The following SERPINF1 variants were observed in gnomAD, a reference collection of about 807,000 sequenced individuals.
SERPINF1 encodes pigment epithelium-derived factor.
SERPINF1 carries 29 observed loss-of-function variants against 37.3 expected under a neutral mutation model. The ratio of observed to expected loss-of-function variants is 0.78; its 90% CI spans 0.58 to 1.06. The LOEUF (loss-of-function observed/expected upper bound fraction) is 1.06. SERPINF1 is among the 50% of genes least tolerant of loss of function. The probability of loss-of-function intolerance (pLI) is 0.00; values close to 1 mark genes in which losing one functional copy is unlikely to be tolerated. For synonymous variants in SERPINF1, 281 were observed against 227.9 expected (o/e 1.23, Z -2.10); for missense variants, 553 against 532.2 (o/e 1.04, Z -0.38).
chr17:1,771,729 G>A, intron 4 of SERPINF1, 143 bp from the exon 5 acceptor site: 3 of 791,236 alleles, frequency 3.8e-6, no homozygotes, highest in Admixed American at 4.0e-5. Context: ...GCCAGCAGAA[G>A]TCCTGGCAAG....
intron 6 of SERPINF1, chr17:1,776,308 G>A (rs1908026574): frequency 1.7e-6 from 1 of 597,266 alleles, no homozygotes. Context: ...TTGGTATTAG[G>A]CCAAGGTAAG....
At chr17:1,774,662 A>T (rs1396709884) in intron 5 of SERPINF1, among the ~76,000 whole-genome samples, 3 of 151,826 alleles carry the variant, frequency 2.0e-5, no homozygotes, top group African/African-American at 4.8e-5. Flanking sequence ...GCGTTTTTTC[A>T]TGTTGGCCAG....
In SERPINF1 at chr17:1,772,071, C is replaced by T. The variant is rs755289117; in HGVS notation, c.639C>T (p.Phe213=). The part of the protein sequence containing the change: ...ISILLLGVAH[F]KGQWVTKFDS... The stretch of plus-strand genomic sequence containing the variant: ...TTCTCCTTCTCGGTGTGGCGCACTT[C>T]AAGGGTGAGCGCGTCTCCAATTCTT... Residue 213 remains phenylalanine (F), a synonymous_variant, in exon 5 of 8, where the codon TTC becomes TTT. Transcript: ENST00000254722. The T allele has an allele frequency of 1.2e-6, 2 of 1,613,076 alleles. No homozygotes were observed. The highest frequency in any genetic ancestry group is 2.2e-5 in the South Asian group (2 of 90,996).
intron 1 of SERPINF1, among the ~76,000 whole-genome samples, chr17:1,763,204 C>T (rs1011856152): frequency 6.6e-6 from 1 of 152,194 alleles, no homozygotes; most frequent in African/African-American, 2.4e-5. Context: ...GGCCCACTGC[C>T]ATGTGGCTGA....
intron 4 of SERPINF1, 66 bp downstream of exon 4, chr17:1,771,250 C>CT (rs58039181): frequency 0.03 from 36,289 of 1,202,482 alleles, 7 homozygotes; most frequent in Non-Finnish European, 0.033. Flanking sequence ...CTGGGGGGGT[C>CT]TTTTTTTTTT....
Position 1,766,894 on chromosome 17 carries a change from T to G in SERPINF1, c.-8-9T>G. ...GAGAGCGGCTTGCTGCCTCGTTCTT[T>G]TCTTGCAGGCCCCAGGATGCAGGCC... On this transcript the variant is annotated splice_polypyrimidine_tract_variant and intron_variant, in intron 1 of 7. Coordinates refer to ENST00000254722, the MANE Select transcript of SERPINF1 (RefSeq NM_002615.7). 6.4e-7 allele frequency: 1 copy of G among 1,553,866 alleles called. No homozygotes were observed.
intron 4 of SERPINF1, 135 bp downstream of exon 4, chr17:1,771,319 G>A (rs1406857313): frequency 1.5e-5 from 13 of 886,170 alleles, no homozygotes; most frequent in Non-Finnish European, 2.0e-5. Context: ...CGTGATCTCG[G>A]CTCACTGCAA....
At chr17:1,762,551 C>T (rs1211188585) in intron 1 of SERPINF1, among the ~76,000 whole-genome samples, 2 of 152,196 alleles carry the variant, frequency 1.3e-5, no homozygotes, top group African/African-American at 4.8e-5. Flanking sequence ...GCAGCCCAGC[C>T]CTGGCCCCTG....
At chr17:1,770,864 T>A in intron 3 of SERPINF1, 165 bp from the exon 4 acceptor site, 1 of 855,564 alleles carries the variant, frequency 1.2e-6, no homozygotes. Flanking sequence ...TTCAGGAAAA[T>A]CTCTAAGGAT....
intron 2 of SERPINF1, among the ~76,000 whole-genome samples, chr17:1,768,731 C>T (rs1310922427): frequency 6.6e-6 from 1 of 151,962 alleles, no homozygotes; most frequent in Non-Finnish European, 1.5e-5. Flanking sequence ...TCTTCCTCGG[C>T]CTGCCAAAGT....
intron 1 of SERPINF1, 131 bp from the exon 2 acceptor site, chr17:1,766,772 C>T (rs1444957779): frequency 4.8e-5 from 37 of 778,742 alleles, no homozygotes; most frequent in African/African-American, 4.3e-4. Context: ...GAGGGGTGGT[C>T]GCTGCAGGGG....
At chr17:1,763,671 A>G (rs902227088) in intron 1 of SERPINF1, among the ~76,000 whole-genome samples, 1 of 152,108 alleles carries the variant, frequency 6.6e-6, no homozygotes, top group African/African-American at 2.4e-5. Flanking sequence ...GAAGTGGAGG[A>G]TTCAGACTTG....
chr17:1,768,536 C>A (rs1014292610), intron 2 of SERPINF1, among the ~76,000 whole-genome samples: 1 of 151,490 alleles, frequency 6.6e-6, no homozygotes, highest in Non-Finnish European at 1.5e-5. Context: ...TACAGTGGTG[C>A]GATCTTGGCT....
chr17:1,769,929 G>A lies in SERPINF1; in HGVS notation c.162G>A (p.Leu54=). The change falls in exon 3 of 8, where the codon CTG becomes CTA. Residue 54 remains leucine, a synonymous_variant. Transcript: ENST00000254722. ...TCTTCAAAGTCCCCGTGAACAAGCT[G>A]GCAGCGGCTGTCTCCAACTTCGGCT... ...DPFFKVPVNK[L]AAAVSNFGYD... is the part of the protein sequence containing the mutation. 1 of 1,614,208 alleles carries A rather than the reference G, an allele frequency of 6.2e-7. No homozygotes were observed. The highest frequency in any genetic ancestry group is 1.7e-5 in the Admixed American group (1 of 60,030).
chr17:1,772,719 C>G (rs914670885), intron 5 of SERPINF1, among the ~76,000 whole-genome samples: 2 of 151,300 alleles, frequency 1.3e-5, no homozygotes, highest in Non-Finnish European at 2.9e-5. Flanking sequence ...CCACTGCGCC[C>G]TACTAATTTT....
At position 1,766,946 on chromosome 17, in the gene SERPINF1, C is replaced by A; in HGVS notation, c.36C>A (p.Ala12=). Residue 12 remains alanine, a synonymous_variant, in exon 2 of 8, where the codon GCC becomes GCA. Coordinates refer to ENST00000254722, the MANE Select transcript of SERPINF1 (RefSeq NM_002615.7). Reference sequence around the variant, plus strand: ...TGGTGCTACTCCTCTGCATTGGAGCCCTCCTCGGGCACAGCAGCTGCCAGA... The same window carrying A: ...TGGTGCTACTCCTCTGCATTGGAGCACTCCTCGGGCACAGCAGCTGCCAGA... ...QALVLLLCIG[A]LLGHSSCQNP... The A allele has an allele frequency of 6.4e-7, 1 of 1,565,106 alleles. No homozygotes were observed. The highest frequency in any genetic ancestry group is 1.2e-5 in the South Asian group (1 of 84,872).
At chr17:1,767,634 T>A (rs1194497820) in intron 2 of SERPINF1, among the ~76,000 whole-genome samples, 2 of 152,156 alleles carry the variant, frequency 1.3e-5, no homozygotes, top group Non-Finnish European at 2.9e-5. Flanking sequence ...CTGGGCCATA[T>A]GAGTGTTATG....
chr17:1,774,250 CTGTGG>C, intron 5 of SERPINF1, among the ~76,000 whole-genome samples: 1 of 152,184 alleles, frequency 6.6e-6, no homozygotes, highest in Non-Finnish European at 1.5e-5. Flanking sequence ...GGCTGGAGTG[CTGTGG>C]TGTGATCTCA....
intron 7 of SERPINF1, 76 bp from the exon 8 acceptor site, chr17:1,777,111 T>C (rs755408765): frequency 3.2e-4 from 519 of 1,610,158 alleles, no homozygotes; most frequent in Non-Finnish European, 4.2e-4. Context: ...CATCCCAGCT[T>C]GCTTGCAAAG....
Sources: gnomAD v4.1 joint callset for allele counts (sites outside exome capture counted in the v4.1 genomes callset) on GRCh38, gnomAD v4.1.1 for gene constraint, MANE v1.5 for transcripts, NCBI Gene and HGNC (gene_info 2026-07-23, HGNC 2026-07-21) for gene names.